Variants in TPSG1 observed in about 807,000 individuals in gnomAD.
TPSG1 encodes tryptase gamma.
In TPSG1, 43 loss-of-function variants were observed where a neutral mutation model predicts 23.8. The observed-to-expected ratio is 1.81, with a 90% confidence interval of 1.42 to 2.33. The LOEUF is 2.33. Ranked by LOEUF, TPSG1 falls within the 30% of genes most tolerant of loss-of-function variation. TPSG1 has a pLI of 0.00. For synonymous variants in TPSG1, 302 were observed against 201.3 expected, an observed-to-expected ratio of 1.50 and a Z score of -4.23; for missense variants, 623 against 438.6, an observed-to-expected ratio of 1.42 and a Z score of -3.75.
chr16:1,225,227 A>AGGAGGCCAC lies in TPSG1; in HGVS notation c.17_25dup (p.Leu8_Leu9insArgGlyLeu). On this transcript the variant is annotated inframe_insertion, in exon 1 of 6. Transcript: ENST00000234798. ...CCCACCGGGCACAGCCAGGAGCAGC[A>AGGAGGCCAC]GGAGGCCACAGGCCCCAAGGGCCAT... is the stretch of plus-strand genomic sequence containing the variant. The AGGAGGCCAC allele has an allele frequency of 6.3e-7, 1 of 1,578,454 alleles. No homozygotes were observed. Among genetic ancestry groups the AGGAGGCCAC allele is most frequent in the Non-Finnish European group, 8.6e-7 (1 of 1,162,366 alleles).
intron 4 of TPSG1, among the ~76,000 whole-genome samples, 154 bp downstream of exon 4, chr16:1,222,498 C>G (rs141310903): frequency 6.6e-6 from 1 of 152,152 alleles, no homozygotes; most frequent in African/African-American, 2.4e-5. Context: ...TGGATCCACA[C>G]GACAGGCTTT....
rs1455978454 is a variant in TPSG1, at chr16:1,223,548, C to T, written c.120G>A (p.Gly40=). 2 of 1,547,264 alleles carry T rather than the reference C, an allele frequency of 1.3e-6. No homozygotes were observed. The highest frequency in any genetic ancestry group is 1.7e-6 in the Non-Finnish European group (2 of 1,148,438). The change falls in exon 3 of 6, where the codon GGG becomes GGA. Residue 40 remains glycine, a synonymous_variant. Coordinates refer to ENST00000234798, the MANE Select transcript of TPSG1 (RefSeq NM_012467.4). ...QVSDAGGRIV[G]GHAAPAGAWP... ...ATGCGCCGGCCGGGGCAGCGTGACC[C>T]CCCACGATCCGGCCGCCTGCATCCG... is the stretch of plus-strand genomic sequence containing the variant.
intron 4 of TPSG1, 131 bp from the exon 5 acceptor site, chr16:1,222,472 C>T (rs7198064): frequency 0.7 from 857,923 of 1,224,650 alleles, 304,844 homozygotes; most frequent in East Asian, 0.98. Context: ...TGTGATCTGA[C>T]GTTTGGCTGC....
chr16:1,221,971 G>C lies in TPSG1; in HGVS notation c.783C>G (p.Tyr261Ter), dbSNP rs750262261. 4 of 1,612,320 alleles carry C rather than the reference G, an allele frequency of 2.5e-6. No homozygotes were observed. Among genetic ancestry groups the C allele is most frequent in the Non-Finnish European group, 3.4e-6 (4 of 1,179,770 alleles). Residue 261 changes from tyrosine to a stop codon, truncating the protein, a stop_gained, in exon 6 of 6, where the codon TAC becomes TAG. Coordinates refer to ENST00000234798, the MANE Select transcript of TPSG1 (RefSeq NM_012467.4). LOFTEE classifies it low-confidence loss of function (END_TRUNC). ...TGATGTGGCGGCGGATCCAGTTCAC[G>C]TAGGCAGGGACACGAGTGTAGACTC... ...RPGVYTRVPA[Y>*]VNWIRRHITA...
Position 1,221,893 on chromosome 16 carries a change from G to T in TPSG1, c.861C>A (p.Gly287=). ...SGYPRLPLLA[G]FFLPGLFLLL... is the part of the protein sequence containing the mutation. ...GAAGGAAGAGGCCGGGGAGGAAGAA[G>T]CCAGCCAGGAGGGGGAGCCTGGGGT... is the stretch of plus-strand genomic sequence containing the variant. The change falls in exon 6 of 6, where the codon GGC becomes GGA. Residue 287 remains glycine, a synonymous_variant. Transcript: ENST00000234798. 1 of 1,611,606 alleles carries T rather than the reference G, an allele frequency of 6.2e-7. No individual in the cohort carries two copies.
chr16:1,224,808 C>G (rs1225423341), intron 1 of TPSG1, 180 bp from the exon 2 acceptor site: 5 of 734,598 alleles, frequency 6.8e-6, no homozygotes, highest in Non-Finnish European at 1.1e-5. Flanking sequence ...CTGGGTGGGA[C>G]AAGCCACAGG....
intron 2 of TPSG1, chr16:1,224,156 C>T: frequency 4.9e-6 from 1 of 202,146 alleles, no homozygotes; most frequent in Non-Finnish European, 9.9e-6. Context: ...CCTGGGTCTG[C>T]CTGAGCTGGA....
Position 1,223,372 on chromosome 16 carries a change from C to T in TPSG1, c.245+51G>A. ...GTGGAGGCCTCTGCGCTGGCGCATG[C>T]CCCACTGGGGCCTGGACATTGAGAC... On this transcript the variant is annotated intron_variant, in intron 3 of 5. Transcript: ENST00000234798. The T allele has an allele frequency of 2.6e-6, 4 of 1,516,378 alleles. No homozygotes were observed. In the Admixed American group the frequency reaches 8.8e-5, roughly 33 times the overall value. 93.9% of individuals were successfully genotyped at this position (1,516,378 alleles called of 1,614,324 possible).
At position 1,221,787 on chromosome 16, in the gene TPSG1, A is replaced by T; in HGVS notation, c.*1T>A. 1 of 1,596,882 alleles carries T rather than the reference A, an allele frequency of 6.3e-7. No individual in the cohort carries two copies. Among genetic ancestry groups the T allele is most frequent in the Non-Finnish European group, 8.5e-7 (1 of 1,170,258 alleles). ...TAAGAAATGCACTTGGATTCCTGCC[A>T]TCAGTCAGGGGCGGGGAAGGGAGTA... is the stretch of plus-strand genomic sequence containing the variant. On this transcript the variant is annotated 3_prime_UTR_variant, in exon 6 of 6. Transcript: ENST00000234798.
In TPSG1 at chr16:1,221,955, G is replaced by A. The variant is rs181691054; in HGVS notation, c.799C>T (p.Arg267Cys). 58 of 1,612,094 alleles carry A rather than the reference G, an allele frequency of 3.6e-5. No individual in the cohort carries two copies. The highest frequency in any genetic ancestry group is 3.3e-4 in the Middle Eastern group (2 of 6,060). ...GAGCCCCCTGATGCTGTGATGTGGC[G>A]GCGGATCCAGTTCACGTAGGCAGGG... ...RVPAYVNWIR[R>C]HITASGGSES... is the part of the protein sequence containing the mutation. Residue 267 changes from arginine (R) to cysteine (C), a missense_variant, in exon 6 of 6, where the codon CGC becomes TGC. Transcript: ENST00000234798.
In TPSG1 at chr16:1,221,706, G is replaced by A. The variant is rs1970491380; in HGVS notation, c.*82C>T. The stretch of plus-strand genomic sequence containing the variant: ...AATGTTGCAATAATCTGATGCAGAA[G>A]ACTCAGCTTCTCAAGGGAGAGGGAG... On this transcript the variant is annotated 3_prime_UTR_variant, in exon 6 of 6. Coordinates refer to ENST00000234798, the MANE Select transcript of TPSG1 (RefSeq NM_012467.4). 4.6e-6 allele frequency: 6 copies of A among 1,315,874 alleles called. No homozygotes were observed. The highest frequency in any genetic ancestry group is 6.2e-6 in the Non-Finnish European group (6 of 969,130). 81.5% of individuals were successfully genotyped at this position (1,315,874 alleles called of 1,614,324 possible). A position where few individuals can be genotyped will look rare whatever the true frequency, so the allele number is the denominator to read the frequency against.
In TPSG1 at chr16:1,222,068, TGGCAGACCAGA is replaced by T; in HGVS notation, c.675_685del (p.Leu226GlyfsTer15). Reference sequence around the variant, plus strand: ...AGCCTGCACCCAGGCACCGTTCACCTGGCAGACCAGAGGCCCCCCGGAGTCGTCCTGAGGAC... The same window carrying T: ...AGCCTGCACCCAGGCACCGTTCACCTGGCCCCCCGGAGTCGTCCTGAGGAC... On this transcript the variant is annotated frameshift_variant, in exon 6 of 6. Transcript: ENST00000234798. LOFTEE classifies it low-confidence loss of function (END_TRUNC). 6.2e-7 allele frequency: 1 copy of T among 1,612,782 alleles called. No individual in the cohort carries two copies. Among genetic ancestry groups the T allele is most frequent in the Non-Finnish European group, 8.5e-7 (1 of 1,179,982 alleles).
chr16:1,225,177 C>G (rs1041980606), intron 1 of TPSG1, 30 bp downstream of exon 1: 1 of 1,560,618 alleles, frequency 6.4e-7, no homozygotes, highest in South Asian at 1.2e-5. Context: ...AGATGCCCCC[C>G]CATCCCCACA....
chr16:1,221,881 G>A lies in TPSG1; in HGVS notation c.873C>T (p.Pro291=), dbSNP rs147374270. 71 of 1,611,812 alleles carry A rather than the reference G, an allele frequency of 4.4e-5. No individual in the cohort carries two copies. The highest frequency in any genetic ancestry group is 3.5e-4 in the African/African-American group (26 of 75,034). The change falls in exon 6 of 6, where the codon CCC becomes CCT. Residue 291 remains proline (P), a synonymous_variant. Transcript: ENST00000234798. ...AGGAGACTAGCAGAAGGAAGAGGCC[G>A]GGGAGGAAGAAGCCAGCCAGGAGGG... The part of the protein sequence containing the change: ...RLPLLAGFFL[P]GLFLLLVSCV...
In TPSG1 at chr16:1,225,220, G is replaced by C. The variant is rs1216178099; in HGVS notation, c.33C>G (p.Leu11=). 2 of 1,578,894 alleles carry C rather than the reference G, an allele frequency of 1.3e-6. No individual in the cohort carries two copies. MALGACGLLL[L]LAVPGVSLRT... Reference sequence around the variant, plus strand: ...CAGGTCACCCACCGGGCACAGCCAGGAGCAGCAGGAGGCCACAGGCCCCAA... The same window carrying C: ...CAGGTCACCCACCGGGCACAGCCAGCAGCAGCAGGAGGCCACAGGCCCCAA... The change falls in exon 1 of 6, where the codon CTC becomes CTG. Residue 11 remains leucine, a synonymous_variant. Coordinates refer to ENST00000234798, the MANE Select transcript of TPSG1 (RefSeq NM_012467.4).
rs755319496 is a variant in TPSG1 at position 1,221,781 on chromosome 16, C to T, written c.*7G>A. On this transcript the variant is annotated 3_prime_UTR_variant, in exon 6 of 6. Coordinates refer to ENST00000234798, the MANE Select transcript of TPSG1 (RefSeq NM_012467.4). ...CTTATTTAAGAAATGCACTTGGATT[C>T]CTGCCATCAGTCAGGGGCGGGGAAG... is the stretch of plus-strand genomic sequence containing the variant. 45 of 1,591,692 alleles carry T rather than the reference C, an allele frequency of 2.8e-5. No individual in the cohort carries two copies. Among genetic ancestry groups the T allele is most frequent in the Admixed American group, 3.5e-5 (2 of 57,458 alleles).
In TPSG1 at chr16:1,222,002, C is replaced by G. The variant is rs762075870; in HGVS notation, c.752G>C (p.Arg251Thr). The change falls in exon 6 of 6, where the codon AGG becomes ACG. Residue 251 changes from arginine (R) to threonine (T), a missense_variant. Physicochemically the swap from Arg to Thr is moderately conservative, Grantham distance 71. Transcript: ENST00000234798. ...AGGGACACGAGTGTAGACTCCCGGC[C>G]TGTTGGGGCGGCCGCAGCCCTCACC... ...SWGEGCGRPN[R>T]PGVYTRVPAY... is the part of the protein sequence containing the mutation. 6.2e-7 allele frequency: 1 copy of G among 1,612,434 alleles called. No homozygotes were observed. The highest frequency in any genetic ancestry group is 1.7e-5 in the Admixed American group (1 of 59,994).
Position 1,222,733 on chromosome 16 carries a change from C to A in TPSG1, c.430G>T (p.Val144Phe). 1.2e-6 allele frequency: 2 copies of A among 1,611,136 alleles called. No individual in the cohort carries two copies. Among genetic ancestry groups the A allele is most frequent in the Non-Finnish European group, 1.7e-6 (2 of 1,178,618 alleles). ...PVTLSSRILP[V>F]CLPEASDDFC... ...TCATCTGAGGCCTCCGGGAGGCAGA[C>A]GGGCAGGATCCGGCTGGAGAGGGTC... The change falls in exon 4 of 6, where the codon GTC (valine) becomes TTC (phenylalanine). Residue 144 changes from valine (V) to phenylalanine (F), a missense_variant. By Grantham distance (50) the Val-to-Phe change is conservative. Transcript: ENST00000234798.
rs749117814 is a variant in TPSG1 at position 1,222,226 on chromosome 16, C to T, written c.627G>A (p.Leu209=). 6.8e-6 allele frequency: 11 copies of T among 1,611,942 alleles called. No homozygotes were observed. In the African/African-American group the frequency reaches 1.5e-4, roughly 22 times the overall value. ...AGGCATCCCCGGGGCCCCGGGCACACAGCATGTCGGGCTGAAGGATGCTGC... is the reference window on the plus strand; with the variant it reads ...AGGCATCCCCGGGGCCCCGGGCACATAGCATGTCGGGCTGAAGGATGCTGC... ...PGGSILQPDM[L]CARGPGDACQ... The change falls in exon 5 of 6, where the codon CTG becomes CTA. Residue 209 remains leucine (L), a synonymous_variant. Coordinates refer to ENST00000234798, the MANE Select transcript of TPSG1 (RefSeq NM_012467.4).
Sources: gnomAD v4.1 joint callset for allele counts (sites outside exome capture counted in the v4.1 genomes callset) on GRCh38, gnomAD v4.1.1 for gene constraint, MANE v1.5 for transcripts, NCBI Gene and HGNC (gene_info 2026-07-23, HGNC 2026-07-21) for gene names.